MYH10: variants seen among roughly 807,000 people sequenced by gnomAD.
MYH10 encodes myosin-10.
A neutral mutation model predicts 257.8 loss-of-function variants in MYH10; 55 were observed. The ratio of observed to expected loss-of-function variants is 0.21; its 90% confidence interval spans 0.17 to 0.27. MYH10 has a LOEUF of 0.27. Ranked by LOEUF, MYH10 falls within the 10% of genes least tolerant of loss-of-function variation. The probability of loss-of-function intolerance (pLI) is 1.00; values close to 1 mark genes in which losing one functional copy is unlikely to be tolerated. For missense variants in MYH10, 1,631 were observed against 2,500.6 expected (o/e 0.65, Z 7.42); for synonymous variants, 854 against 921.7 (o/e 0.93, Z 1.33).
intron 36 of MYH10, among the ~76,000 whole-genome samples, chr17:8,485,279 A>C (rs895574916): frequency 3.3e-5 from 5 of 152,196 alleles, no homozygotes; most frequent in African/African-American, 1.2e-4. Flanking sequence ...ATAAAGAAAA[A>C]AAGTGAAAGA....
chr17:8,598,490 CT>C (rs990057995), intron 3 of MYH10, among the ~76,000 whole-genome samples: 1 of 152,106 alleles, frequency 6.6e-6, no homozygotes, highest in Admixed American at 6.5e-5. Context: ...TTTCATTGTA[CT>C]TTTAAGTACC....
chr17:8,602,474 G>A lies in MYH10; in HGVS notation c.502+2352C>T, dbSNP rs550684487. 3.9e-5 allele frequency among the ~76,000 whole-genome samples: 6 copies of A among 152,270 alleles called. No homozygotes were observed. The South Asian group carries it at 1.0e-3, about 26-fold the overall frequency. On this transcript the variant is annotated intron_variant, in intron 3 of 42. Coordinates refer to ENST00000360416, the MANE Select transcript of MYH10 (RefSeq NM_001256012.3). ...CCTAGATTGATTGGCATTGGTAGCC[G>A]GTGTGAGCTTTACCAGCAATGCTGC...
intron 1 of MYH10, among the ~76,000 whole-genome samples, chr17:8,628,672 G>A (rs2085775197): frequency 6.6e-6 from 1 of 152,130 alleles, no homozygotes; most frequent in African/African-American, 2.4e-5. Context: ...GGCCACTATT[G>A]CTACTTATGG....
intron 21 of MYH10, among the ~76,000 whole-genome samples, chr17:8,518,346 C>G (rs919453504): frequency 1.3e-5 from 2 of 152,116 alleles, no homozygotes; most frequent in African/African-American, 4.8e-5. Flanking sequence ...GAAGCCCTGG[C>G]TGGTCTCGAA....
At chr17:8,523,025 C>T (rs1015223272) in intron 17 of MYH10, among the ~76,000 whole-genome samples, 4 of 152,172 alleles carry the variant, frequency 2.6e-5, no homozygotes, top group African/African-American at 7.2e-5. Context: ...TCATGGCACT[C>T]GCCTGGGATC....
intron 35 of MYH10, among the ~76,000 whole-genome samples, chr17:8,488,189 A>T (rs1282252294): frequency 2.0e-5 from 3 of 152,158 alleles, no homozygotes; most frequent in African/African-American, 4.8e-5. Context: ...ACCGAGGTGG[A>T]CACACCTGTC....
intron 8 of MYH10, among the ~76,000 whole-genome samples, chr17:8,553,446 A>G (rs1406198634): frequency 1.3e-5 from 2 of 152,342 alleles, no homozygotes; most frequent in African/African-American, 4.8e-5. Flanking sequence ...ACCTGGGTAT[A>G]TATGTGCATA....
chr17:8,479,150 A>C (rs1053270910), intron 40 of MYH10, among the ~76,000 whole-genome samples: 1 of 152,216 alleles, frequency 6.6e-6, no homozygotes, highest in Non-Finnish European at 1.5e-5. Context: ...CCTGAGAAAC[A>C]ACCCAATTTA....
intron 14 of MYH10, chr17:8,541,902 G>T: frequency 2.1e-6 from 1 of 480,330 alleles, no homozygotes; most frequent in South Asian, 3.9e-5. Flanking sequence ...CAAGCTGCGA[G>T]GAGAGCTAAA....
At chr17:8,486,860 T>C (rs531498652) in intron 36 of MYH10, among the ~76,000 whole-genome samples, 1 of 152,338 alleles carries the variant, frequency 6.6e-6, no homozygotes, top group East Asian at 1.9e-4. Flanking sequence ...CTAAAGATCT[T>C]TGTACATAAA....
At chr17:8,604,623 C>T (rs1340923351) in intron 3 of MYH10, among the ~76,000 whole-genome samples, 1 of 152,094 alleles carries the variant, frequency 6.6e-6, no homozygotes, top group Non-Finnish European at 1.5e-5. Context: ...TTTAGAGCAA[C>T]AAACATACTT....
In MYH10 at chr17:8,506,416, G is replaced by A. The variant is rs1016297579; in HGVS notation, c.3288C>T (p.Thr1096=). 13 of 1,612,656 alleles carry A rather than the reference G, an allele frequency of 8.1e-6. No homozygotes were observed. Among genetic ancestry groups the A allele is most frequent in the South Asian group, 4.4e-5 (4 of 90,792 alleles). ...KAKRKLDGET[T]DLQDQIAELQ... ...GCTCTGCGATCTGGTCCTGCAGGTC[G>A]GTCGTCTCCCCGTCGAGTTTTCTTT... is the stretch of plus-strand genomic sequence containing the variant. Residue 1096 remains threonine (T), a synonymous_variant, in exon 27 of 43, where the codon ACC becomes ACT. Coordinates refer to ENST00000360416, the MANE Select transcript of MYH10 (RefSeq NM_001256012.3). The surrounding 1 kb of genome is among the most constrained non-coding windows in gnomAD (Gnocchi z 5.0).
Position 8,504,097 on chromosome 17 carries a change from C to G in MYH10, c.3599+597G>C, listed in dbSNP as rs892973552. Among the ~76,000 whole-genome samples, 2 of 152,206 alleles carry G rather than the reference C, an allele frequency of 1.3e-5. No homozygotes were observed. Among genetic ancestry groups the G allele is most frequent in the African/African-American group, 4.8e-5 (2 of 41,448 alleles). ...GGGCTGCCACACTGCAGCTTTCTACCCAGGAGCCTTCTCTGGCCATGTTCA... is the reference window on the plus strand; with the variant it reads ...GGGCTGCCACACTGCAGCTTTCTACGCAGGAGCCTTCTCTGGCCATGTTCA... On this transcript the variant is annotated intron_variant, in intron 28 of 42. Transcript: ENST00000360416. The surrounding 1 kb of genome is among the most constrained non-coding windows in gnomAD (Gnocchi z 5.6).
At chr17:8,521,631 C>T in intron 17 of MYH10, 1 of 253,870 alleles carries the variant, frequency 3.9e-6, no homozygotes, top group Non-Finnish European at 7.7e-6. Flanking sequence ...ATTATTGATA[C>T]ATACAAACTG....
At chr17:8,610,271 CAAAAAAAAAA>C (rs71361810) in intron 2 of MYH10, among the ~76,000 whole-genome samples, 2 of 45,982 alleles carry the variant, frequency 4.3e-5, no homozygotes, top group South Asian at 2.9e-3. Flanking sequence ...CATAGGATTG[CAAAAAAAAAA>C]AAAAAAAAAA....
intron 30 of MYH10, among the ~76,000 whole-genome samples, chr17:8,497,224 G>A (rs1164339909): frequency 1.3e-5 from 2 of 152,176 alleles, no homozygotes; most frequent in African/African-American, 4.8e-5. Context: ...ATCATGTACT[G>A]TAGTGTGGTC....
rs1436300161 is a variant in MYH10, at chr17:8,535,743, C to T, written c.1779+15G>A. ...CAGCCATTTTAATCCAGTTATTCAA[C>T]ATAAGAGCTCTTACCTTCCCTGCAT... On this transcript the variant is annotated intron_variant, in intron 15 of 42. Coordinates refer to ENST00000360416, the MANE Select transcript of MYH10 (RefSeq NM_001256012.3). This position sits in a 1 kb window ranked among gnomAD's most constrained non-coding sequence, Gnocchi z 4.3. 3 of 1,607,756 alleles carry T rather than the reference C, an allele frequency of 1.9e-6. No individual in the cohort carries two copies. Among genetic ancestry groups the T allele is most frequent in the Non-Finnish European group, 2.6e-6 (3 of 1,176,282 alleles).
At chr17:8,590,389 T>C (rs1212122355) in intron 3 of MYH10, among the ~76,000 whole-genome samples, 1 of 152,088 alleles carries the variant, frequency 6.6e-6, no homozygotes, top group Non-Finnish European at 1.5e-5. Flanking sequence ...CTCAGCTCAC[T>C]GCAACCTCCG....
intron 4 of MYH10, among the ~76,000 whole-genome samples, chr17:8,582,575 G>A (rs1226357378): frequency 6.6e-6 from 1 of 152,226 alleles, no homozygotes; most frequent in African/African-American, 2.4e-5. Context: ...GCTTCTAGCT[G>A]GAGGTGTCCT....
Sources: allele counts gnomAD v4.1 joint callset (sites outside exome capture counted in the v4.1 genomes callset), GRCh38; gene constraint gnomAD v4.1.1; non-coding constraint Gnocchi (gnomAD v3.1); transcripts MANE v1.5; gene names NCBI Gene and HGNC (gene_info 2026-07-23, HGNC 2026-07-21).